Variants in NCLN observed in about 807,000 individuals in gnomAD.
The protein encoded by NCLN is BOS complex subunit NCLN.
Under a neutral mutation model 69.5 loss-of-function variants are expected in NCLN, and 34 were observed. The observed-to-expected ratio is 0.49, with a 90% confidence interval of 0.37 to 0.65. The LOEUF is 0.65. Ranked by LOEUF, NCLN falls within the 30% of genes least tolerant of loss-of-function variation. The probability of loss-of-function intolerance (pLI) is 0.00; values close to 1 mark genes in which losing one functional copy is unlikely to be tolerated. For missense variants in NCLN, 710 were observed against 804.8 expected (o/e 0.88, Z 1.42); for synonymous variants, 393 against 358.3 (o/e 1.10, Z -1.09).
At position 3,196,280 on chromosome 19, in the gene NCLN, G is replaced by A. The variant is rs1006652528; in HGVS notation, c.615+3G>A. 6.5e-7 allele frequency: 1 copy of A among 1,540,958 alleles called. No individual in the cohort carries two copies. The highest frequency in any genetic ancestry group is 8.8e-7 in the Non-Finnish European group (1 of 1,139,006). ...ACTGGCTGATTGCCAGCGTGGAGGT[G>A]AGTGCCGCCTGCCCCGGAGCCAGCC... On this transcript the variant is annotated splice_donor_region_variant and intron_variant, in intron 4 of 14. Transcript: ENST00000246117.
Position 3,185,967 on chromosome 19 carries a change from G to C in NCLN, c.-64G>C, listed in dbSNP as rs953520855. 7.5e-7 allele frequency: 1 copy of C among 1,326,680 alleles called. No homozygotes were observed. The highest frequency in any genetic ancestry group is 1.6e-5 in the African/African-American group (1 of 63,958). The allele number at this position is 1,326,680 out of a possible 1,614,324, so 82.2% of individuals were successfully genotyped here. A position where few individuals can be genotyped will look rare whatever the true frequency, so the allele number is the denominator to read the frequency against. On this transcript the variant is annotated 5_prime_UTR_variant, in exon 1 of 15. Coordinates refer to ENST00000246117, the MANE Select transcript of NCLN (RefSeq NM_020170.4). ...GCTACCCATGCCGAGGTGAGTCCGCGGGAGCCGCCGCCGCCGCCGTCCCGT... is the reference window on the plus strand; with the variant it reads ...GCTACCCATGCCGAGGTGAGTCCGCCGGAGCCGCCGCCGCCGCCGTCCCGT...
rs747738192 is a variant in NCLN, at chr19:3,193,347, G to T, written c.439G>T (p.Val147Leu). Residue 147 changes from valine (V) to leucine (L), a missense_variant, in exon 3 of 15, where the codon GTG (valine) becomes TTG (leucine). By Grantham distance (32) the Val-to-Leu change is conservative. Transcript: ENST00000246117. ...GACCGCCGTCCCCGTGTACTTTGCCGTGGAGGACGAGGCCCTGCTGTCTAT... is the reference window on the plus strand; with the variant it reads ...GACCGCCGTCCCCGTGTACTTTGCCTTGGAGGACGAGGCCCTGCTGTCTAT... ...METAVPVYFA[V>L]EDEALLSIYK... 1 of 1,612,812 alleles carries T rather than the reference G, an allele frequency of 6.2e-7. No homozygotes were observed. Among genetic ancestry groups the T allele is most frequent in the African/African-American group, 1.3e-5 (1 of 74,934 alleles).
chr19:3,192,322 A>G (rs1915846732), intron 1 of NCLN, 148 bp from the exon 2 acceptor site: 3 of 648,048 alleles, frequency 4.6e-6, no homozygotes, highest in Non-Finnish European at 7.4e-6. Flanking sequence ...GGCTGGGGGG[A>G]CCCTGGGAGC....
chr19:3,207,673 G>A lies in NCLN; in HGVS notation c.1677G>A (p.Lys559=). 1 of 1,612,766 alleles carries A rather than the reference G, an allele frequency of 6.2e-7. No individual in the cohort carries two copies. The highest frequency in any genetic ancestry group is 1.3e-5 in the African/African-American group (1 of 75,058). The change falls in exon 15 of 15, where the codon AAG becomes AAA. Residue 559 remains lysine, a synonymous_variant. Coordinates refer to ENST00000246117, the MANE Select transcript of NCLN (RefSeq NM_020170.4). Reference sequence around the variant, plus strand: ...AGACCGTCCAGAGGCTGCTCGTGAAGGCCAAGACACAGTGACACAGCCACC... The same window carrying A: ...AGACCGTCCAGAGGCTGCTCGTGAAAGCCAAGACACAGTGACACAGCCACC... The part of the protein sequence containing the change: ...LYKTVQRLLV[K]AKTQ
chr19:3,189,518 G>A (rs557466976), intron 1 of NCLN, among the ~76,000 whole-genome samples: 10 of 152,362 alleles, frequency 6.6e-5, no homozygotes, highest in Non-Finnish European at 1.2e-4. Flanking sequence ...AAGGTTGGCC[G>A]TCTGGCCCCC....
rs760098276 is a variant in NCLN at position 3,192,477 on chromosome 19, G to C, written c.192G>C (p.Arg64=). ...YDLQGQPYGT[R]NAVLNTEART... ...CCGCCCCTGTGCCCACAGGCACACG[G>C]AATGCAGTGCTGAACACGGAGGCGC... The change falls in exon 2 of 15, where the codon CGG becomes CGC. Residue 64 remains arginine (R), a synonymous_variant. Coordinates refer to ENST00000246117, the MANE Select transcript of NCLN (RefSeq NM_020170.4). 1.9e-6 allele frequency: 3 copies of C among 1,595,288 alleles called. No individual in the cohort carries two copies. Among genetic ancestry groups the C allele is most frequent in the South Asian group, 2.3e-5 (2 of 88,826 alleles).
At position 3,190,842 on chromosome 19, in the gene NCLN, G is replaced by A. The variant is rs529601654; in HGVS notation, c.185-1628G>A. Among the ~76,000 whole-genome samples, 303 of 152,284 alleles carry A rather than the reference G, an allele frequency of 2.0e-3. 3 individuals carry two copies. The highest frequency in any genetic ancestry group is 3.7e-3 in the Non-Finnish European group (254 of 68,020). On this transcript the variant is annotated intron_variant, in intron 1 of 14. Coordinates refer to ENST00000246117, the MANE Select transcript of NCLN (RefSeq NM_020170.4). ...GTGCAGCGCTGAGATGTTTTAGAGC[G>A]TTGCTTGTCTTTTAACATTTGGGTG...
In NCLN at chr19:3,201,642, GGCAGGGGGATGGGGGTGC is replaced by G; in HGVS notation, c.800+18_800+35del. ...CGCACGCCGCGTGAGTGCCGGGGTGGGCAGGGGGATGGGGGTGCGGGGGCCACACTGCCGGACAGCGCT... is the reference window on the plus strand; with the variant it reads ...CGCACGCCGCGTGAGTGCCGGGGTGGGGGGGCCACACTGCCGGACAGCGCT... On this transcript the variant is annotated intron_variant, in intron 6 of 14. Transcript: ENST00000246117. 1 of 1,525,952 alleles carries G rather than the reference GGCAGGGGGATGGGGGTGC, an allele frequency of 6.6e-7. No homozygotes were observed. The highest frequency in any genetic ancestry group is 8.8e-7 in the Non-Finnish European group (1 of 1,139,610). 94.5% of individuals were successfully genotyped at this position (1,525,952 alleles called of 1,614,324 possible).
rs1462363702 is a variant in NCLN at position 3,205,818 on chromosome 19, T to A, written c.1209-121T>A. On this transcript the variant is annotated intron_variant, in intron 9 of 14. Transcript: ENST00000246117. The surrounding 1 kb of genome is among the most constrained non-coding windows in gnomAD (Gnocchi z 4.6). ...GTAGTTAAAGCTAAGCTTAATTTTT[T>A]TTTTTTTTTAAAGACAGAGTCTCAC... 1.1e-6 allele frequency: 1 copy of A among 924,226 alleles called. No individual in the cohort carries two copies. The highest frequency in any genetic ancestry group is 1.7e-6 in the Non-Finnish European group (1 of 597,386). 57.3% of individuals were successfully genotyped at this position (924,226 alleles called of 1,614,324 possible).
intron 5 of NCLN, among the ~76,000 whole-genome samples, chr19:3,200,788 C>A (rs1916106281): frequency 6.6e-6 from 1 of 152,138 alleles, no homozygotes; most frequent in Admixed American, 6.5e-5. Context: ...AGCCCCAGAA[C>A]CCCAGCATGT....
At chr19:3,190,758 G>C (rs576091204) in intron 1 of NCLN, among the ~76,000 whole-genome samples, 1 of 148,742 alleles carries the variant, frequency 6.7e-6, no homozygotes, top group Non-Finnish European at 1.5e-5. Context: ...CGTCAGGCCT[G>C]TACCCGGCCC....
At chr19:3,207,300 C>G (rs369224419) in intron 13 of NCLN, 49 bp downstream of exon 13, 1 of 1,612,248 alleles carries the variant, frequency 6.2e-7, no homozygotes, top group South Asian at 1.1e-5. Context: ...CTACGGGTTA[C>G]AGCCGAGGGG....
chr19:3,189,025 C>T (rs1238944784), intron 1 of NCLN, among the ~76,000 whole-genome samples: 9 of 152,260 alleles, frequency 5.9e-5, no homozygotes, highest in Non-Finnish European at 1.2e-4. Context: ...CCCGGAGGAG[C>T]TGCAACCCTT....
chr19:3,203,392 T>C (rs1916175393), intron 6 of NCLN, among the ~76,000 whole-genome samples: 1 of 152,214 alleles, frequency 6.6e-6, no homozygotes, highest in African/African-American at 2.4e-5. Context: ...GCCTGGTCGG[T>C]CACCCCGGTT....
In NCLN at chr19:3,199,857, C is replaced by T. The variant is rs537445958; in HGVS notation, c.696+960C>T. On this transcript the variant is annotated intron_variant, in intron 5 of 14. Coordinates refer to ENST00000246117, the MANE Select transcript of NCLN (RefSeq NM_020170.4). Reference sequence around the variant, plus strand: ...CTGGGACCACAGGCACCCGCCACCACACCTGGCTAATTTTTTTTATTTTTA... The same window carrying T: ...CTGGGACCACAGGCACCCGCCACCATACCTGGCTAATTTTTTTTATTTTTA... Among the ~76,000 whole-genome samples, 3 of 152,082 alleles carry T rather than the reference C, an allele frequency of 2.0e-5. No individual in the cohort carries two copies. The East Asian group carries it at 5.8e-4, about 29-fold the overall frequency.
chr19:3,185,973 C>T lies in NCLN; in HGVS notation c.-58C>T, dbSNP rs962386009. 1.0e-5 allele frequency: 13 copies of T among 1,275,426 alleles called. No homozygotes were observed. The highest frequency in any genetic ancestry group is 1.6e-5 in the African/African-American group (1 of 63,008). 79.0% of individuals were successfully genotyped at this position (1,275,426 alleles called of 1,614,324 possible). On this transcript the variant is annotated 5_prime_UTR_variant, in exon 1 of 15. Transcript: ENST00000246117. ...CATGCCGAGGTGAGTCCGCGGGAGC[C>T]GCCGCCGCCGCCGTCCCGTCCCAGC...
At position 3,201,604 on chromosome 19, in the gene NCLN, A is replaced by G. The variant is rs1733671598; in HGVS notation, c.778A>G (p.Thr260Ala). Residue 260 changes from threonine (T) to alanine (A), a missense_variant, in exon 6 of 15, where the codon ACC becomes GCC. Physicochemically the swap from Thr to Ala is moderately conservative, Grantham distance 58. Transcript: ENST00000246117. ...ELARLFSRLY[T>A]YKRTHAAYNL... is the part of the protein sequence containing the mutation. ...GGCACGCCTCTTCTCCCGGCTCTAC[A>G]CCTACAAGCGCACGCACGCCGCGTG... 3 of 1,533,832 alleles carry G rather than the reference A, an allele frequency of 2.0e-6. No individual in the cohort carries two copies. The South Asian group carries it at 3.5e-5, about 18-fold the overall frequency.
chr19:3,193,028 G>A (rs1915868684), intron 2 of NCLN, among the ~76,000 whole-genome samples: 1 of 139,092 alleles, frequency 7.2e-6, no homozygotes, highest in Admixed American at 7.1e-5. Context: ...AGACGCCCTG[G>A]GTGAAGATAC....
intron 4 of NCLN, among the ~76,000 whole-genome samples, chr19:3,197,708 C>T (rs1300436721): frequency 2.0e-5 from 3 of 151,906 alleles, no homozygotes; most frequent in Non-Finnish European, 4.4e-5. Context: ...GCAACCTCCG[C>T]CTCCTAGGTT....
Sources: gnomAD v4.1 joint callset for allele counts (sites outside exome capture counted in the v4.1 genomes callset) on GRCh38, gnomAD v4.1.1 for gene constraint, Gnocchi (gnomAD v3.1) non-coding constraint, MANE v1.5 for transcripts, NCBI Gene and HGNC (gene_info 2026-07-23, HGNC 2026-07-21) for gene names.